CPPED1: variants seen among roughly 807,000 people sequenced by gnomAD.
CPPED1 encodes the protein calcineurin like phosphoesterase domain containing 1.
Under a neutral mutation model 28.0 loss-of-function variants are expected in CPPED1, and 28 were observed. That is an observed-to-expected ratio of 1.00 (90% CI 0.74 to 1.37). The LOEUF (loss-of-function observed/expected upper bound fraction) is 1.37, where lower values mean the gene tolerates loss of function less well. Ranked by LOEUF, CPPED1 falls within the 40% of genes most tolerant of loss-of-function variation. CPPED1 has a pLI of 0.00. For synonymous variants in CPPED1, 198 were observed against 180.2 expected (o/e 1.10, Z -0.79); for missense variants, 504 against 416.5 (o/e 1.21, Z -1.83).
chr16:12,770,751 G>T (rs2080465249), intron 2 of CPPED1, among the ~76,000 whole-genome samples: 1 of 152,062 alleles, frequency 6.6e-6, no homozygotes, highest in South Asian at 2.1e-4. Flanking sequence ...GAACCCGGGA[G>T]GCAGAGGTTG....
At chr16:12,689,766 G>A (rs1444242846) in intron 3 of CPPED1, among the ~76,000 whole-genome samples, 2 of 151,976 alleles carry the variant, frequency 1.3e-5, no homozygotes, top group African/African-American at 4.8e-5. Flanking sequence ...CCAATCATCA[G>A]ATTACTGATG....
At chr16:12,713,485 C>A (rs1381005386) in intron 2 of CPPED1, among the ~76,000 whole-genome samples, 1 of 151,796 alleles carries the variant, frequency 6.6e-6, no homozygotes, top group Non-Finnish European at 1.5e-5. Context: ...CCTGCCTCAA[C>A]CTCCTGAGTA....
intron 3 of CPPED1, among the ~76,000 whole-genome samples, chr16:12,669,952 C>T (rs2079845562): frequency 6.6e-6 from 1 of 152,166 alleles, no homozygotes; most frequent in South Asian, 2.1e-4. Flanking sequence ...CAAAGCTTAA[C>T]AATCTGAGTA....
At position 12,704,659 on chromosome 16, in the gene CPPED1, G is replaced by C. The variant is rs758424847; in HGVS notation, c.680C>G (p.Thr227Ser). The change falls in exon 3 of 4, where the codon ACT becomes AGT. Residue 227 changes from threonine to serine, a missense_variant. Physicochemically the swap from Thr to Ser is moderately conservative, Grantham distance 58. Transcript: ENST00000381774. ...DDYYFNLSKS[T>S]RKKLADKFIH... is the part of the protein sequence containing the mutation. The stretch of plus-strand genomic sequence containing the variant: ...GAACTTGTCTGCCAACTTCTTCCGA[G>C]TGGACTTGCTGAGGTTGAAGTAGTA... 2 of 1,613,120 alleles carry C rather than the reference G, an allele frequency of 1.2e-6. No individual in the cohort carries two copies. The highest frequency in any genetic ancestry group is 1.7e-6 in the Non-Finnish European group (2 of 1,179,136).
Position 12,705,136 on chromosome 16 carries a change from A to T in CPPED1, c.290-87T>A, listed in dbSNP as rs2080043136. 1.8e-5 allele frequency: 25 copies of T among 1,355,582 alleles called. 1 individual carries two copies. In the South Asian group the frequency reaches 3.5e-4, roughly 19 times the overall value. The allele number at this position is 1,355,582 out of a possible 1,614,324, so 84.0% of individuals were successfully genotyped here. ...TTAAGTACTTACTAACATAAAATTT[A>T]AAAAAAGAGTAATCTGGAAATCCAC... is the stretch of plus-strand genomic sequence containing the variant. On this transcript the variant is annotated intron_variant, in intron 2 of 3. Coordinates refer to ENST00000381774, the MANE Select transcript of CPPED1 (RefSeq NM_018340.3).
chr16:12,741,885 T>C (rs972902527), intron 2 of CPPED1, among the ~76,000 whole-genome samples: 4 of 152,128 alleles, frequency 2.6e-5, no homozygotes, highest in African/African-American at 7.2e-5. Context: ...GCCAACATGG[T>C]GAAATCCTGT....
chr16:12,775,950 G>A (rs1222880465), intron 2 of CPPED1, among the ~76,000 whole-genome samples: 1 of 152,202 alleles, frequency 6.6e-6, no homozygotes, highest in East Asian at 1.9e-4. Context: ...GCAGTAGGCT[G>A]AACAATGTCC....
chr16:12,772,082 C>T (rs1567302676), intron 2 of CPPED1, among the ~76,000 whole-genome samples: 1 of 152,002 alleles, frequency 6.6e-6, no homozygotes, highest in Non-Finnish European at 1.5e-5. Context: ...GAGATCGTAC[C>T]GCTGCACTCC....
At chr16:12,797,555 CA>C (rs1032264922) in intron 1 of CPPED1, among the ~76,000 whole-genome samples, 19 of 151,434 alleles carry the variant, frequency 1.3e-4, no homozygotes, top group African/African-American at 3.6e-4. Flanking sequence ...ACCCTGTCTC[CA>C]AAAAAAATTT....
chr16:12,769,209 G>T (rs1448909422), intron 2 of CPPED1, among the ~76,000 whole-genome samples: 1 of 151,970 alleles, frequency 6.6e-6, no homozygotes, highest in Non-Finnish European at 1.5e-5. Context: ...TATTAGCTCT[G>T]CTATTAGACT....
chr16:12,702,014 G>A (rs186763369), intron 3 of CPPED1, among the ~76,000 whole-genome samples: 114 of 152,242 alleles, frequency 7.5e-4, no homozygotes, highest in African/African-American at 2.5e-3. Flanking sequence ...AGAAAGCACC[G>A]CTGGGGTGGA....
In CPPED1 at chr16:12,682,650, C is replaced by G. The variant is rs959529582; in HGVS notation, c.716-17535G>C. Among the ~76,000 whole-genome samples the G allele has an allele frequency of 2.6e-5, 4 of 152,222 alleles. No homozygotes were observed. The highest frequency in any genetic ancestry group is 9.6e-5 in the African/African-American group (4 of 41,454). On this transcript the variant is annotated intron_variant, in intron 3 of 3. Coordinates refer to ENST00000381774, the MANE Select transcript of CPPED1 (RefSeq NM_018340.3). The surrounding 1 kb of genome is among the most constrained non-coding windows in gnomAD (Gnocchi z 6.1). ...GGCCACTGGGAAGATAAGTGAGAATCAGGGACACGCCCTGGGTGGCACAGC... is the reference window on the plus strand; with the variant it reads ...GGCCACTGGGAAGATAAGTGAGAATGAGGGACACGCCCTGGGTGGCACAGC...
Position 12,803,823 on chromosome 16 carries a change from G to A in CPPED1, c.-47C>T. The A allele has an allele frequency of 6.5e-7, 1 of 1,537,594 alleles. No homozygotes were observed. Among genetic ancestry groups the A allele is most frequent in the Non-Finnish European group, 8.8e-7 (1 of 1,132,624 alleles). On this transcript the variant is annotated 5_prime_UTR_variant, in exon 1 of 4. Transcript: ENST00000381774. ...CACTTAGAACACTGCGTGGGTGGAA[G>A]CCGCGCGACTTCACACAGAACAACC...
chr16:12,744,767 G>A (rs530116141), intron 2 of CPPED1, among the ~76,000 whole-genome samples: 17 of 152,264 alleles, frequency 1.1e-4, no homozygotes, highest in African/African-American at 4.1e-4. Context: ...GACTGCTTGA[G>A]CTCACAAGTT....
chr16:12,777,903 C>CTTTTTT (rs67527035), intron 2 of CPPED1, among the ~76,000 whole-genome samples: 22 of 126,594 alleles, frequency 1.7e-4, no homozygotes, highest in African/African-American at 2.5e-4. Context: ...TTTCTATTTT[C>CTTTTTT]TTTTTTTTTT....
Position 12,704,542 on chromosome 16 carries a change from G to A in CPPED1, c.715+82C>T, listed in dbSNP as rs937703008. On this transcript the variant is annotated intron_variant, in intron 3 of 3. Transcript: ENST00000381774. Reference sequence around the variant, plus strand: ...GTCCTCTCTCCCTTTTTGACACATTGCAGAGAGACGGGAGAAAGATCTGGA... The same window carrying A: ...GTCCTCTCTCCCTTTTTGACACATTACAGAGAGACGGGAGAAAGATCTGGA... 23 of 1,413,516 alleles carry A rather than the reference G, an allele frequency of 1.6e-5. No homozygotes were observed. In the East Asian group the frequency reaches 4.1e-4, roughly 25 times the overall value. 87.6% of individuals were successfully genotyped at this position (1,413,516 alleles called of 1,614,324 possible).
chr16:12,690,077 T>C (rs8045091), intron 3 of CPPED1, among the ~76,000 whole-genome samples: 37,092 of 152,122 alleles, frequency 0.24, 7,737 homozygotes, highest in African/African-American at 0.58. Context: ...CCATTTTCTG[T>C]AGCTACGGTC....
intron 3 of CPPED1, among the ~76,000 whole-genome samples, chr16:12,697,984 C>T (rs969529679): frequency 7.9e-5 from 12 of 152,166 alleles, no homozygotes; most frequent in African/African-American, 2.6e-4. Flanking sequence ...GTGGCGTGTG[C>T]CTGTAATCCC....
At chr16:12,739,824 G>A (rs1362806063) in intron 2 of CPPED1, among the ~76,000 whole-genome samples, 1 of 152,084 alleles carries the variant, frequency 6.6e-6, no homozygotes, top group African/African-American at 2.4e-5. Flanking sequence ...CTTGATAAAA[G>A]GGTTAGGTGT....
Sources: gnomAD v4.1 joint callset for allele counts (sites outside exome capture counted in the v4.1 genomes callset) on GRCh38, gnomAD v4.1.1 for gene constraint, Gnocchi (gnomAD v3.1) non-coding constraint, MANE v1.5 for transcripts, NCBI Gene and HGNC (gene_info 2026-07-23, HGNC 2026-07-21) for gene names.